The following DIXDC1 variants were observed in gnomAD, a reference collection of about 807,000 sequenced individuals.
The protein encoded by DIXDC1 is dixin.
DIXDC1 carries 64 observed loss-of-function variants against 103.1 expected under a neutral mutation model. The ratio of observed to expected loss-of-function variants is 0.62; its 90% CI spans 0.51 to 0.76. The LOEUF (loss-of-function observed/expected upper bound fraction) is 0.76, where lower values mean the gene tolerates loss of function less well. Ranked by LOEUF, DIXDC1 falls within the 30% of genes least tolerant of loss-of-function variation. DIXDC1 has a pLI of 0.00. For synonymous variants in DIXDC1, 266 were observed against 298.5 expected (o/e 0.89, Z 1.12); for missense variants, 759 against 834.2 (o/e 0.91, Z 1.11).
chr11:111,982,658 T>G (rs1205837568), intron 7 of DIXDC1, among the ~76,000 whole-genome samples, 171 bp downstream of exon 7: 3 of 152,216 alleles, frequency 2.0e-5, no homozygotes, highest in African/African-American at 7.2e-5. Context: ...TTGAATACTT[T>G]AAATGGACTT....
intron 17 of DIXDC1, among the ~76,000 whole-genome samples, chr11:112,000,735 C>G (rs1179225788): frequency 6.6e-6 from 1 of 150,692 alleles, no homozygotes; most frequent in African/African-American, 2.4e-5. Context: ...GAAAAGATGC[C>G]CAAAATCATT....
intron 8 of DIXDC1, among the ~76,000 whole-genome samples, chr11:111,986,327 AC>A (rs1399790885): frequency 1.7e-5 from 1 of 57,162 alleles, no homozygotes; most frequent in African/African-American, 6.7e-5. Context: ...CCTTTACCCC[AC>A]CCCCTCCCCT....
intron 3 of DIXDC1, among the ~76,000 whole-genome samples, chr11:111,971,581 GTATATACCCA>G (rs1372074935): frequency 1.3e-5 from 2 of 152,170 alleles, no homozygotes; most frequent in African/African-American, 4.8e-5. Flanking sequence ...CCATTACTGG[GTATATACCCA>G]AAGGAAAATA....
At chr11:112,003,107 A>G (rs1222561767) in intron 17 of DIXDC1, among the ~76,000 whole-genome samples, 1 of 152,174 alleles carries the variant, frequency 6.6e-6, no homozygotes, top group Non-Finnish European at 1.5e-5. Flanking sequence ...GGAGGGTGAC[A>G]GAGAGGTTGG....
chr11:111,943,245 G>T (rs1049347645), intron 1 of DIXDC1, among the ~76,000 whole-genome samples: 69 of 152,130 alleles, frequency 4.5e-4, no homozygotes, highest in African/African-American at 1.6e-3. Flanking sequence ...TTGGGCTCAA[G>T]CGATTCTCCT....
chr11:111,993,880 G>A, intron 14 of DIXDC1, 140 bp downstream of exon 14: 1 of 951,662 alleles, frequency 1.1e-6, no homozygotes, highest in Non-Finnish European at 1.6e-6. Context: ...GCAGGTTCCA[G>A]AATAAGAAAA....
At chr11:111,937,141 G>T (rs1184455770), upstream of DIXDC1, 4 of 752,002 alleles carry the variant, frequency 5.3e-6, no homozygotes, top group Admixed American at 6.3e-5. Context: ...CGGGGGGGGG[G>T]TGTGCGCGTG....
chr11:111,957,799 G>A (rs1859438792), intron 1 of DIXDC1, among the ~76,000 whole-genome samples: 3 of 152,234 alleles, frequency 2.0e-5, no homozygotes. Flanking sequence ...ACATTAGTGG[G>A]ACAGTTGGTG....
chr11:112,007,428 C>A (rs1412455475), intron 17 of DIXDC1, among the ~76,000 whole-genome samples: 3 of 152,102 alleles, frequency 2.0e-5, no homozygotes, highest in African/African-American at 7.2e-5. Context: ...CAAGGCAGGC[C>A]AACATCCAAA....
Position 111,977,183 on chromosome 11 carries a change from C to CCCA in DIXDC1, c.656+2200_656+2201insCCA. On this transcript the variant is annotated intron_variant, in intron 5 of 19. Transcript: ENST00000440460. The surrounding 1 kb of genome is among the most constrained non-coding windows in gnomAD (Gnocchi z 6.1). ...ACCTCCACCCCGCCCAGCCCCGCCC[C>CCCA]TGGCCCGCACCCTCAACCTCCGTCC... The CCCA allele has an allele frequency of 1.1e-6, 1 of 914,720 alleles. No homozygotes were observed. The highest frequency in any genetic ancestry group is 1.3e-6 in the Non-Finnish European group (1 of 765,098). The allele number at this position is 914,720 out of a possible 1,614,324, so 56.7% of individuals were successfully genotyped here.
intron 2 of DIXDC1, among the ~76,000 whole-genome samples, chr11:111,965,601 G>C (rs1555171422): frequency 3.9e-5 from 6 of 152,058 alleles, no homozygotes. Context: ...TAATGGCAAC[G>C]GTAATAGCAA....
At chr11:111,928,015 C>CAAAAA (rs782156043) in intron 1 of DIXDC1, among the ~76,000 whole-genome samples, 54 of 68,734 alleles carry the variant, frequency 7.9e-4, no homozygotes, top group African/African-American at 2.9e-3. Flanking sequence ...GACTCCATCT[C>CAAAAA]AAAAAAAAAA....
intron 7 of DIXDC1, among the ~76,000 whole-genome samples, chr11:111,984,599 G>A (rs587600198): frequency 3.2e-4 from 48 of 152,222 alleles, no homozygotes; most frequent in South Asian, 8.3e-4. Flanking sequence ...CAATGCATGC[G>A]GGGGGCCTAC....
chr11:111,988,873 T>A, intron 9 of DIXDC1, 132 bp from the exon 10 acceptor site: 1 of 695,678 alleles, frequency 1.4e-6, no homozygotes, highest in South Asian at 1.8e-5. Flanking sequence ...CAGAGCTGTT[T>A]TCTGCCTTAG....
rs1555172721 is a variant in DIXDC1, at chr11:111,977,277, C to G, written c.656+2294C>G. On this transcript the variant is annotated intron_variant, in intron 5 of 19. Transcript: ENST00000440460. The surrounding 1 kb of genome is among the most constrained non-coding windows in gnomAD (Gnocchi z 6.1). ...GGCTGCCTCGCCGCGTGTGACAGCC[C>G]AGGGAGGGAGCAGAGGGTGGGGCGG... The G allele has an allele frequency of 2.9e-6, 3 of 1,021,086 alleles. No individual in the cohort carries two copies. The highest frequency in any genetic ancestry group is 3.5e-6 in the Non-Finnish European group (3 of 853,156). The allele number at this position is 1,021,086 out of a possible 1,614,324, so 63.3% of individuals were successfully genotyped here.
In DIXDC1 at chr11:111,957,814, T is replaced by C. The variant is rs781930095; in HGVS notation, c.61-6735T>C. Among the ~76,000 whole-genome samples, 19 of 152,322 alleles carry C rather than the reference T, an allele frequency of 1.2e-4. No individual in the cohort carries two copies. In the Middle Eastern group the frequency reaches 0.014, roughly 109 times the overall value. On this transcript the variant is annotated intron_variant, in intron 1 of 19. Transcript: ENST00000440460. ...ACATTAGTGGGACAGTTGGTGAAATTTGAACCAAGTCTAGATTAGGTAATG... is the reference window on the plus strand; with the variant it reads ...ACATTAGTGGGACAGTTGGTGAAATCTGAACCAAGTCTAGATTAGGTAATG...
chr11:111,937,506 G>A lies in DIXDC1; in HGVS notation c.7G>A (p.Ala3Thr). 6.3e-7 allele frequency: 1 copy of A among 1,591,014 alleles called. No individual in the cohort carries two copies. Residue 3 changes from alanine to threonine, a missense_variant, in exon 1 of 20, where the codon GCC becomes ACC. Transcript: ENST00000440460. ...GGAGCCCCCAGCAGGAACAATGCTA[G>A]CCTGCCTGACCCGAGGGAACTTACT... The part of the protein sequence containing the change: ML[A>T]CLTRGNLLDV...
At chr11:111,937,127 C>CGGGGGGGGGGG (rs200146124), upstream of DIXDC1, 48 of 519,554 alleles carry the variant, frequency 9.2e-5, 1 homozygote, top group Admixed American at 4.0e-3. Flanking sequence ...TGCTGCGGCC[C>CGGGGGGGGGGG]GGGCGGGGGG....
intron 3 of DIXDC1, among the ~76,000 whole-genome samples, chr11:111,972,486 T>C (rs782257093): frequency 1.3e-5 from 2 of 152,200 alleles, no homozygotes; most frequent in African/African-American, 2.4e-5. Context: ...CTCTCCACAC[T>C]GCAGTCAGAA....
Sources: allele counts gnomAD v4.1 joint callset (sites outside exome capture counted in the v4.1 genomes callset), GRCh38; gene constraint gnomAD v4.1.1; non-coding constraint Gnocchi (gnomAD v3.1); transcripts MANE v1.5; gene names NCBI Gene and HGNC (gene_info 2026-07-23, HGNC 2026-07-21).